SLC25A21: variants seen among roughly 807,000 people sequenced by gnomAD.
SLC25A21 encodes solute carrier family 25 member 21.
A neutral mutation model predicts 43.8 loss-of-function variants in SLC25A21; 47 were observed. The ratio of observed to expected loss-of-function variants is 1.07; its 90% CI spans 0.85 to 1.37. The LOEUF is 1.37. SLC25A21 is among the 40% of genes most tolerant of loss of function. SLC25A21 has a pLI of 0.00. For missense variants in SLC25A21, 352 were observed against 350.2 expected (o/e 1.00, Z -0.04); for synonymous variants, 131 against 121.3 (o/e 1.08, Z -0.52).
chr14:36,939,910 G>A (rs935195680), intron 1 of SLC25A21, among the ~76,000 whole-genome samples: 5 of 152,056 alleles, frequency 3.3e-5, no homozygotes, highest in African/African-American at 1.2e-4. Flanking sequence ...GTTTCTAATT[G>A]TTTCACATAT....
intron 3 of SLC25A21, among the ~76,000 whole-genome samples, chr14:36,750,109 TC>T (rs1885647820): frequency 6.6e-6 from 1 of 152,208 alleles, no homozygotes; most frequent in South Asian, 2.1e-4. Flanking sequence ...TGAGTTATAT[TC>T]CCACTGACGC....
At position 36,963,738 on chromosome 14, in the gene SLC25A21, C is replaced by T. The variant is rs995021577; in HGVS notation, c.71-88734G>A. ...GCTCCGACTTCGCAAGCCTGCTCAACGAGTGCCAGGAGTACCCAGTGACCC... is the reference window on the plus strand; with the variant it reads ...GCTCCGACTTCGCAAGCCTGCTCAATGAGTGCCAGGAGTACCCAGTGACCC... On this transcript the variant is annotated intron_variant, in intron 1 of 9. Coordinates refer to ENST00000331299, the MANE Select transcript of SLC25A21 (RefSeq NM_030631.4). 4.4e-4 allele frequency among the ~76,000 whole-genome samples: 67 copies of T among 152,244 alleles called. 1 individual carries two copies. The highest frequency in any genetic ancestry group is 1.5e-3 in the African/African-American group (62 of 41,552).
intron 1 of SLC25A21, among the ~76,000 whole-genome samples, chr14:36,971,770 C>T (rs11848263): frequency 2.3e-3 from 354 of 152,232 alleles, no homozygotes; most frequent in African/African-American, 8.1e-3. Context: ...ACAATGATGC[C>T]GCTTCATATG....
intron 2 of SLC25A21, among the ~76,000 whole-genome samples, chr14:36,851,249 GA>G (rs1396911316): frequency 1.3e-5 from 2 of 152,170 alleles, no homozygotes; most frequent in African/African-American, 4.8e-5. Context: ...TTCAGTGGCT[GA>G]AGAAAAAGAG....
intron 1 of SLC25A21, among the ~76,000 whole-genome samples, chr14:36,974,333 A>G (rs1417418007): frequency 6.6e-6 from 1 of 151,608 alleles, no homozygotes; most frequent in Non-Finnish European, 1.5e-5. Context: ...TATCCTCTCT[A>G]CTCCTTCATT....
chr14:36,743,435 G>GA (rs58206307), intron 3 of SLC25A21, among the ~76,000 whole-genome samples: 24,026 of 146,868 alleles, frequency 0.16, 3,104 homozygotes, highest in African/African-American at 0.37. Flanking sequence ...AGGACTCCAA[G>GA]AAAAAAAAAC....
chr14:36,850,833 C>T (rs1889705702), intron 2 of SLC25A21, among the ~76,000 whole-genome samples: 1 of 152,130 alleles, frequency 6.6e-6, no homozygotes, highest in African/African-American at 2.4e-5. Flanking sequence ...CTTGATTATG[C>T]TCCGTCCAAC....
intron 1 of SLC25A21, among the ~76,000 whole-genome samples, chr14:36,927,248 C>T (rs1251134600): frequency 2.0e-5 from 3 of 152,070 alleles, no homozygotes; most frequent in African/African-American, 7.2e-5. Flanking sequence ...GTACAAGAAC[C>T]CTAAATGTAT....
rs1329195046 is a variant in SLC25A21, at chr14:36,961,419, C to T, written c.71-86415G>A. ...GTAGAGATGGGATTTCACCGCCGTA[C>T]GTGTTTTTAATGAAGGACATCCAAG... On this transcript the variant is annotated intron_variant, in intron 1 of 9. Transcript: ENST00000331299. Among the ~76,000 whole-genome samples the T allele has an allele frequency of 5.3e-5, 8 of 152,176 alleles. No individual in the cohort carries two copies. In the East Asian group the frequency reaches 7.8e-4, roughly 15 times the overall value.
At chr14:37,116,561 C>T (rs1963110296) in intron 1 of SLC25A21, among the ~76,000 whole-genome samples, 1 of 151,952 alleles carries the variant, frequency 6.6e-6, no homozygotes, top group Admixed American at 6.6e-5. Context: ...TTAAAACCTA[C>T]AGTGAAAGAA....
intron 1 of SLC25A21, among the ~76,000 whole-genome samples, chr14:36,895,434 CTTCT>C (rs1208216230): frequency 3.9e-5 from 6 of 151,972 alleles, no homozygotes; most frequent in Non-Finnish European, 8.8e-5. Flanking sequence ...TCTCTCTTTT[CTTCT>C]TTATTAGTCT....
chr14:36,818,093 G>T (rs1449847508), intron 2 of SLC25A21, among the ~76,000 whole-genome samples: 1 of 152,142 alleles, frequency 6.6e-6, no homozygotes, highest in Non-Finnish European at 1.5e-5. Context: ...TGTGCAAATA[G>T]ATGATTACCA....
chr14:36,678,670 G>T lies in SLC25A21; in HGVS notation c.*1988C>A. The T allele has an allele frequency of 1.6e-6, 2 of 1,253,412 alleles. No individual in the cohort carries two copies. The highest frequency in any genetic ancestry group is 7.3e-5 in the South Asian group (2 of 27,406). The allele number at this position is 1,253,412 out of a possible 1,614,324, so 77.6% of individuals were successfully genotyped here. On this transcript the variant is annotated 3_prime_UTR_variant, in exon 10 of 10. Transcript: ENST00000331299. ...TAGGGGGCTTTAAAAAATATTACTT[G>T]CTTGTGTGGAAATGCAAATAATGTT...
At chr14:36,835,054 C>T (rs528081309) in intron 2 of SLC25A21, among the ~76,000 whole-genome samples, 3 of 152,238 alleles carry the variant, frequency 2.0e-5, no homozygotes, top group East Asian at 3.9e-4. Context: ...TATAACATCT[C>T]GATAACAATT....
chr14:37,108,938 T>C (rs966318407), intron 1 of SLC25A21, among the ~76,000 whole-genome samples: 9 of 152,164 alleles, frequency 5.9e-5, no homozygotes, highest in African/African-American at 1.9e-4. Context: ...TTTTGAAATA[T>C]TGCAGTTCCA....
Position 36,699,004 on chromosome 14 carries a change from T to C in SLC25A21, c.603+12314A>G, listed in dbSNP as rs189265865. On this transcript the variant is annotated intron_variant, in intron 7 of 9. Coordinates refer to ENST00000331299, the MANE Select transcript of SLC25A21 (RefSeq NM_030631.4). ...ATCTTTTGGAGGAGTAGAAGCACTC[T>C]GATTTTTAGAATTTTCTGCTTTTCT... Among the ~76,000 whole-genome samples the C allele has an allele frequency of 8.0e-4, 122 of 152,312 alleles. 1 individual carries two copies. The highest frequency in any genetic ancestry group is 2.8e-3 in the African/African-American group (118 of 41,562).
At chr14:37,062,546 G>GACTTGAGA (rs1468667404) in intron 1 of SLC25A21, among the ~76,000 whole-genome samples, 2 of 152,060 alleles carry the variant, frequency 1.3e-5, no homozygotes, top group African/African-American at 4.8e-5. Flanking sequence ...ATGAGTAGAA[G>GACTTGAGA]ACTTGAGAGG....
At chr14:36,792,057 A>G (rs1887505173) in intron 3 of SLC25A21, among the ~76,000 whole-genome samples, 2 of 152,178 alleles carry the variant, frequency 1.3e-5, no homozygotes, top group Admixed American at 6.6e-5. Context: ...GTCTTTGATA[A>G]TAGCATGAAA....
chr14:36,939,328 G>A (rs1216926748), intron 1 of SLC25A21, among the ~76,000 whole-genome samples: 1 of 152,016 alleles, frequency 6.6e-6, no homozygotes, highest in Non-Finnish European at 1.5e-5. Flanking sequence ...ATGTAAATAC[G>A]AATTCTCTAT....
Sources: allele counts gnomAD v4.1 joint callset (sites outside exome capture counted in the v4.1 genomes callset), GRCh38; gene constraint gnomAD v4.1.1; transcripts MANE v1.5; gene names NCBI Gene and HGNC (gene_info 2026-07-23, HGNC 2026-07-21).